CDH18: variants seen among roughly 807,000 people sequenced by gnomAD.
CDH18 encodes cadherin-18.
A neutral mutation model predicts 67.9 loss-of-function variants in CDH18; 31 were observed. The observed-to-expected ratio is 0.46, with a 90% CI of 0.34 to 0.62. The LOEUF is 0.62. Ranked by LOEUF, CDH18 falls within the 20% of genes least tolerant of loss-of-function variation. The probability of loss-of-function intolerance (pLI) is 0.01; values close to 1 mark genes in which losing one functional copy is unlikely to be tolerated. For synonymous variants in CDH18, 362 were observed against 347.2 expected, an observed-to-expected ratio of 1.04 and a Z score of -0.48; for missense variants, 890 against 975.5, an observed-to-expected ratio of 0.91 and a Z score of 1.17.
chr5:19,616,094 G>T (rs2150124635), intron 5 of CDH18, among the ~76,000 whole-genome samples: 1 of 152,188 alleles, frequency 6.6e-6, no homozygotes, highest in African/African-American at 2.4e-5. Flanking sequence ...CTGAAATTGT[G>T]AACAGTGTTG....
intron 5 of CDH18, among the ~76,000 whole-genome samples, chr5:19,694,643 T>G (rs963211594): frequency 9.5e-6 from 1 of 105,676 alleles, no homozygotes; most frequent in African/African-American, 3.6e-5. Flanking sequence ...AATTCAGAAT[T>G]AAACTCTGTG....
chr5:19,878,802 C>T (rs1057287366), intron 2 of CDH18, among the ~76,000 whole-genome samples: 11 of 151,964 alleles, frequency 7.2e-5, no homozygotes, highest in Non-Finnish European at 1.0e-4. Flanking sequence ...ACTCTCATAC[C>T]GGAAAGTCAT....
intron 2 of CDH18, among the ~76,000 whole-genome samples, chr5:20,217,537 G>A (rs1561885485): frequency 6.6e-6 from 1 of 151,584 alleles, no homozygotes. Flanking sequence ...ATAATAAACA[G>A]CAAGGAATTA....
intron 6 of CDH18, among the ~76,000 whole-genome samples, chr5:19,591,589 A>C (rs1330026609): frequency 6.6e-6 from 1 of 152,114 alleles, no homozygotes; most frequent in African/African-American, 2.4e-5. Flanking sequence ...GTGTAATCCC[A>C]ATTTATTCTT....
At chr5:20,172,391 C>T (rs931621459) in intron 2 of CDH18, among the ~76,000 whole-genome samples, 3 of 150,862 alleles carry the variant, frequency 2.0e-5, no homozygotes, top group African/African-American at 4.9e-5. Flanking sequence ...TTTGCTTTCA[C>T]GTGTACTTTT....
intron 2 of CDH18, among the ~76,000 whole-genome samples, chr5:19,921,218 T>C (rs1792411392): frequency 6.6e-6 from 1 of 151,926 alleles, no homozygotes; most frequent in South Asian, 2.1e-4. Context: ...ATTATATACA[T>C]TTCAAAAAAT....
In CDH18 at chr5:20,084,459, C is replaced by T. The variant is rs188304026; in HGVS notation, c.-517-92445G>A. On this transcript the variant is annotated intron_variant, in intron 2 of 14. Transcript: ENST00000507958. ...AGCTTTTCCAGGCATACAGTGCAAGCTGTCAGTGGATATACCATTCTGGGG... is the reference window on the plus strand; with the variant it reads ...AGCTTTTCCAGGCATACAGTGCAAGTTGTCAGTGGATATACCATTCTGGGG... 7.4e-4 allele frequency among the ~76,000 whole-genome samples: 113 copies of T among 152,280 alleles called. 1 individual carries two copies. Among genetic ancestry groups the T allele is most frequent in the African/African-American group, 2.7e-3 (112 of 41,562 alleles).
At chr5:20,071,253 G>T (rs1233568713) in intron 2 of CDH18, among the ~76,000 whole-genome samples, 1 of 151,996 alleles carries the variant, frequency 6.6e-6, no homozygotes, top group African/African-American at 2.4e-5. Context: ...CAGTATTGAA[G>T]ATCCTGTCAA....
At chr5:19,725,470 A>T (rs950433029) in intron 4 of CDH18, among the ~76,000 whole-genome samples, 1 of 152,148 alleles carries the variant, frequency 6.6e-6, no homozygotes, top group Admixed American at 6.5e-5. Context: ...AATTATTTCA[A>T]TTAAAGCTTT....
At chr5:20,016,513 A>T (rs1737894719) in intron 2 of CDH18, among the ~76,000 whole-genome samples, 2 of 152,196 alleles carry the variant, frequency 1.3e-5, no homozygotes, top group South Asian at 4.1e-4. Flanking sequence ...CAGTGATAGA[A>T]GCATAAATGG....
At chr5:19,905,954 T>C (rs923501465) in intron 2 of CDH18, among the ~76,000 whole-genome samples, 28 of 152,082 alleles carry the variant, frequency 1.8e-4, no homozygotes, top group Admixed American at 3.9e-4. Context: ...CCATCTTTTC[T>C]TTCTAGATAT....
At chr5:20,324,522 C>G (rs1222732962) in intron 1 of CDH18, among the ~76,000 whole-genome samples, 1 of 149,828 alleles carries the variant, frequency 6.7e-6, no homozygotes, top group Non-Finnish European at 1.5e-5. Context: ...GCCTGGGCAA[C>G]AGAGCAAGAC....
intron 2 of CDH18, among the ~76,000 whole-genome samples, chr5:19,899,138 G>A (rs775569354): frequency 1.3e-4 from 20 of 152,102 alleles, no homozygotes; most frequent in Non-Finnish European, 1.0e-4. Flanking sequence ...GGTGGCTCAC[G>A]CCTGTAATCC....
chr5:19,476,434 T>A (rs1301729966), intron 12 of CDH18, among the ~76,000 whole-genome samples: 1 of 152,090 alleles, frequency 6.6e-6, no homozygotes, highest in Non-Finnish European at 1.5e-5. Context: ...AATATATGCC[T>A]TTATTTTGGG....
intron 1 of CDH18, among the ~76,000 whole-genome samples, chr5:20,264,295 C>T (rs990301128): frequency 6.6e-6 from 1 of 151,892 alleles, no homozygotes; most frequent in Non-Finnish European, 1.5e-5. Context: ...ATTGAGTTCT[C>T]CAAAGAATCT....
At chr5:19,828,720 G>A (rs190270123) in intron 3 of CDH18, among the ~76,000 whole-genome samples, 281 of 152,236 alleles carry the variant, frequency 1.8e-3, no homozygotes, top group African/African-American at 6.3e-3. Flanking sequence ...AACAAACGAG[G>A]CACTGAAGGA....
At chr5:19,702,164 T>TG (rs1229460894) in intron 5 of CDH18, among the ~76,000 whole-genome samples, 1 of 149,236 alleles carries the variant, frequency 6.7e-6, no homozygotes, top group Non-Finnish European at 1.5e-5. Flanking sequence ...TTTTTTTTTT[T>TG]TTGAGATGGA....
intron 1 of CDH18, among the ~76,000 whole-genome samples, chr5:20,286,288 T>C (rs1746690099): frequency 6.6e-6 from 1 of 151,590 alleles, no homozygotes; most frequent in South Asian, 2.1e-4. Flanking sequence ...TTTAGTTAGG[T>C]GATTTGTTAC....
In CDH18 at chr5:20,471,833, T is replaced by TAAAAAAA. The variant is rs70954659; in HGVS notation, c.-580+103622_-580+103628dup. Among the ~76,000 whole-genome samples, 477 of 51,410 alleles carry TAAAAAAA rather than the reference T, an allele frequency of 9.3e-3. 29 individuals carry two copies. Among genetic ancestry groups the TAAAAAAA allele is most frequent in the African/African-American group, 0.029 (444 of 15,414 alleles). The allele number at this position is 51,410 out of a possible 152,430, so 33.7% of individuals were successfully genotyped here. On this transcript the variant is annotated intron_variant, in intron 1 of 14. Coordinates refer to the CDH18 transcript ENST00000507958. Reference sequence around the variant, plus strand: ...CTGGGCAACAGATCGAGATTCAGTCTAAAAAAAAAAAAAAAAAAGCAAAAG... The same window carrying TAAAAAAA: ...CTGGGCAACAGATCGAGATTCAGTCTAAAAAAAAAAAAAAAAAAAAAAAAAGCAAAAG...
Sources: gnomAD v4.1 joint callset for allele counts (sites outside exome capture counted in the v4.1 genomes callset) on GRCh38, gnomAD v4.1.1 for gene constraint, MANE v1.5 for transcripts, NCBI Gene and HGNC (gene_info 2026-07-23, HGNC 2026-07-21) for gene names.